The following UNC13B variants were observed in gnomAD, a reference collection of about 807,000 sequenced individuals.
UNC13B encodes protein unc-13 homolog B.
In UNC13B, 144 loss-of-function variants were observed where a neutral mutation model predicts 211.0. The observed-to-expected ratio is 0.68, with a 90% CI of 0.60 to 0.78. UNC13B has a LOEUF of 0.78. Ranked by LOEUF, UNC13B falls within the 30% of genes least tolerant of loss-of-function variation. The pLI is 0.00. For missense variants in UNC13B, 1,777 were observed against 2,002.0 expected, an observed-to-expected ratio of 0.89 and a Z score of 2.14; for synonymous variants, 709 against 725.8, an observed-to-expected ratio of 0.98 and a Z score of 0.37.
rs182856704 is a variant in UNC13B, at chr9:35,343,430, A to G, written c.9415-23517A>G. 2.0e-5 allele frequency among the ~76,000 whole-genome samples: 3 copies of G among 152,366 alleles called. No homozygotes were observed. In the East Asian group the frequency reaches 5.8e-4, roughly 29 times the overall value. ...GTGAAGGGGAAGCATCTATTGAGGT[A>G]ACCAGGTTTATCCTGTGGTTTTCTG... On this transcript the variant is annotated intron_variant, in intron 11 of 39. Transcript: ENST00000635942.
intron 7 of UNC13B, among the ~76,000 whole-genome samples, chr9:35,262,608 G>A (rs935573266): frequency 2.6e-5 from 4 of 151,868 alleles, no homozygotes; most frequent in Admixed American, 6.6e-5. Context: ...ATGAACCACC[G>A]CACTTGGCCT....
At chr9:35,327,246 A>G (rs972160732) in intron 11 of UNC13B, among the ~76,000 whole-genome samples, 1 of 152,214 alleles carries the variant, frequency 6.6e-6, no homozygotes, top group Admixed American at 6.5e-5. Context: ...ATATATGTAT[A>G]TATAAAAGGG....
intron 1 of UNC13B, among the ~76,000 whole-genome samples, chr9:35,164,755 G>A (rs1219771375): frequency 6.6e-6 from 1 of 152,208 alleles, no homozygotes; most frequent in Non-Finnish European, 1.5e-5. Context: ...TATCTAAAAT[G>A]TATTCTTACT....
chr9:35,311,281 G>A (rs953979477), intron 10 of UNC13B, among the ~76,000 whole-genome samples: 4 of 152,184 alleles, frequency 2.6e-5, no homozygotes, highest in Non-Finnish European at 5.9e-5. Flanking sequence ...CAGCACTTGG[G>A]TTCTTTGTAG....
chr9:35,371,063 C>T (rs1426496100), intron 13 of UNC13B, among the ~76,000 whole-genome samples: 2 of 152,126 alleles, frequency 1.3e-5, no homozygotes, highest in African/African-American at 4.8e-5. Flanking sequence ...GGTCCAGGTT[C>T]TCTCAGAGCT....
chr9:35,239,845 C>T (rs1266604594), intron 5 of UNC13B, among the ~76,000 whole-genome samples: 2 of 152,208 alleles, frequency 1.3e-5, no homozygotes, highest in Admixed American at 6.5e-5. Flanking sequence ...GGCCCACAGG[C>T]AGCCAGACTT....
intron 9 of UNC13B, among the ~76,000 whole-genome samples, chr9:35,309,072 T>A (rs1830059231): frequency 6.6e-6 from 1 of 152,190 alleles, no homozygotes; most frequent in Non-Finnish European, 1.5e-5. Context: ...AGAGCTGTCC[T>A]TTGCTGTAGT....
chr9:35,362,623 C>T (rs1236426927), intron 11 of UNC13B, among the ~76,000 whole-genome samples: 2 of 152,078 alleles, frequency 1.3e-5, no homozygotes, highest in Non-Finnish European at 2.9e-5. Context: ...TCCTGGCTAA[C>T]ACAGTGAAAC....
At chr9:35,174,889 T>C (rs562631253) in intron 1 of UNC13B, among the ~76,000 whole-genome samples, 1 of 147,918 alleles carries the variant, frequency 6.8e-6, no homozygotes, top group Non-Finnish European at 1.5e-5. Flanking sequence ...CCCGGCCACG[T>C]CTTGAACTCC....
chr9:35,193,388 C>A (rs1332049637), intron 1 of UNC13B, among the ~76,000 whole-genome samples: 4 of 152,062 alleles, frequency 2.6e-5, no homozygotes, highest in Non-Finnish European at 5.9e-5. Context: ...GTGGCTCATG[C>A]CTGTAATCCC....
At chr9:35,237,664 A>G in intron 4 of UNC13B, 39 bp from the exon 5 acceptor site, 2 of 1,602,644 alleles carry the variant, frequency 1.2e-6, no homozygotes, top group South Asian at 1.1e-5. Flanking sequence ...GAGGGAGCCA[A>G]GAAAGATTAA....
chr9:35,369,787 G>A (rs1834001056), intron 12 of UNC13B, among the ~76,000 whole-genome samples: 1 of 152,088 alleles, frequency 6.6e-6, no homozygotes, highest in South Asian at 2.1e-4. Flanking sequence ...TTTTCTTCAG[G>A]AGGCCTAGGT....
intron 1 of UNC13B, among the ~76,000 whole-genome samples, chr9:35,188,856 TA>T (rs891217429): frequency 1.3e-5 from 2 of 152,230 alleles, no homozygotes; most frequent in African/African-American, 4.8e-5. Context: ...AATGAAACCT[TA>T]TAGATGATTC....
At chr9:35,191,074 C>T (rs370066604) in intron 1 of UNC13B, among the ~76,000 whole-genome samples, 1 of 152,098 alleles carries the variant, frequency 6.6e-6, no homozygotes, top group Non-Finnish European at 1.5e-5. Context: ...ATTCTCCTGC[C>T]TCAGCCTCCC....
chr9:35,244,517 G>T (rs756955175), intron 6 of UNC13B, among the ~76,000 whole-genome samples: 3 of 152,164 alleles, frequency 2.0e-5, no homozygotes, highest in Non-Finnish European at 4.4e-5. Context: ...GTTCAGCTCC[G>T]TCTAGAGGCT....
rs1835886560 is a variant in UNC13B at position 35,396,512 on chromosome 9, A to G, written c.11345A>G (p.Tyr3782Cys). ...GACCACCTGTGTAAAAGTGCTGACTACATGAACCTGCACTTCAAGGTGAAG... is the reference window on the plus strand; with the variant it reads ...GACCACCTGTGTAAAAGTGCTGACTGCATGAACCTGCACTTCAAGGTGAAG... ...EKDHLCKSAD[Y>C]MNLHFKVKWL... Residue 3782 changes from tyrosine to cysteine, a missense_variant, in exon 27 of 40, where the codon TAC becomes TGC. Tyr to Cys is a radical substitution (Grantham distance 194). Transcript: ENST00000635942. 6.2e-7 allele frequency: 1 copy of G among 1,614,196 alleles called. No individual in the cohort carries two copies. Among genetic ancestry groups the G allele is most frequent in the East Asian group, 2.2e-5 (1 of 44,884 alleles).
intron 2 of UNC13B, 53 bp from the exon 3 acceptor site, chr9:35,231,066 TG>T: frequency 1.7e-6 from 2 of 1,177,448 alleles, no homozygotes; most frequent in African/African-American, 1.5e-5. Flanking sequence ...CTTTGTGAGA[TG>T]GGTAACAATC....
At chr9:35,323,481 T>G (rs191509831) in intron 11 of UNC13B, among the ~76,000 whole-genome samples, 32 of 152,290 alleles carry the variant, frequency 2.1e-4, no homozygotes, top group African/African-American at 7.7e-4. Flanking sequence ...CTCTTCAAAC[T>G]TCATGGTAAG....
At chr9:35,215,820 C>A (rs1246692074) in intron 1 of UNC13B, among the ~76,000 whole-genome samples, 1 of 152,152 alleles carries the variant, frequency 6.6e-6, no homozygotes, top group Non-Finnish European at 1.5e-5. Context: ...CTGTTAGTAT[C>A]TTCTGATTCC....
Sources: allele counts gnomAD v4.1 joint callset (sites outside exome capture counted in the v4.1 genomes callset), GRCh38; gene constraint gnomAD v4.1.1; transcripts MANE v1.5; gene names NCBI Gene and HGNC (gene_info 2026-07-23, HGNC 2026-07-21).